Variants in FAP observed in about 807,000 individuals in gnomAD.
FAP encodes prolyl endopeptidase FAP.
A neutral mutation model predicts 126.5 loss-of-function variants in FAP; 110 were observed. The observed-to-expected ratio is 0.87, with a 90% CI of 0.74 to 1.02. The LOEUF (loss-of-function observed/expected upper bound fraction) is 1.02, where lower values mean the gene tolerates loss of function less well. FAP is among the 50% of genes least tolerant of loss of function. The pLI is 0.00. For missense variants in FAP, 919 were observed against 909.2 expected, an observed-to-expected ratio of 1.01 and a Z score of -0.14; for synonymous variants, 334 against 297.3, an observed-to-expected ratio of 1.12 and a Z score of -1.27.
intron 25 of FAP, chr2:162,172,605 G>A (rs1220180532): frequency 7.8e-6 from 4 of 515,900 alleles, no homozygotes; most frequent in Non-Finnish European, 1.4e-5. Flanking sequence ...TGACTCAACT[G>A]GGAACACGAG....
chr2:162,224,664 G>T (rs191943907), intron 4 of FAP, 124 bp from the exon 5 acceptor site: 122 of 512,924 alleles, frequency 2.4e-4, no homozygotes, highest in Non-Finnish European at 3.6e-4. Flanking sequence ...CAATGCAATT[G>T]AAAAAAATAT....
intron 17 of FAP, among the ~76,000 whole-genome samples, chr2:162,193,258 C>T (rs1197355161): frequency 1.3e-5 from 2 of 152,142 alleles, no homozygotes; most frequent in African/African-American, 4.8e-5. Flanking sequence ...ACATTAAAAT[C>T]TTTGGGGAAG....
At position 162,243,370 on chromosome 2, in the gene FAP, G is replaced by A; in HGVS notation, c.-43C>T. The A allele has an allele frequency of 6.2e-7, 1 of 1,606,006 alleles. No homozygotes were observed. The highest frequency in any genetic ancestry group is 8.5e-7 in the Non-Finnish European group (1 of 1,176,768). ...AAAGTTAGCTAATTCTGTCTTCAGA[G>A]CGTGGGTCACTGGATCTGTGAAAAC... is the stretch of plus-strand genomic sequence containing the variant. On this transcript the variant is annotated 5_prime_UTR_variant, in exon 1 of 26. Coordinates refer to ENST00000188790, the MANE Select transcript of FAP (RefSeq NM_004460.5).
chr2:162,171,143 T>A, intron 25 of FAP, 63 bp from the exon 26 acceptor site: 3 of 1,283,316 alleles, frequency 2.3e-6, no homozygotes, highest in South Asian at 1.2e-5. Context: ...TAGCTTGGAC[T>A]TTTTTGTGCT....
rs763543600 is a variant in FAP, at chr2:162,198,876, C to A, written c.1283G>T (p.Ser428Ile). 29 of 1,613,290 alleles carry A rather than the reference C, an allele frequency of 1.8e-5. No homozygotes were observed. The highest frequency in any genetic ancestry group is 2.2e-5 in the Non-Finnish European group (26 of 1,179,446). Reference protein sequence around the residue: ...YPGRRNIYRISIGSYPPSKKC... With the variant: ...YPGRRNIYRIIIGSYPPSKKC... ...CTTGCTTGGAGGATAGCTTCCAATG[C>A]TAATTCTAGAGGGAAATGAAAATAA... The change falls in exon 16 of 26, where the codon AGC (serine) becomes ATC (isoleucine). Residue 428 changes from serine (S) to isoleucine (I), a missense_variant. Transcript: ENST00000188790.
intron 20 of FAP, among the ~76,000 whole-genome samples, chr2:162,184,683 G>A (rs2106222937): frequency 6.6e-6 from 1 of 152,218 alleles, no homozygotes; most frequent in East Asian, 1.9e-4. Flanking sequence ...TGGTATAGAG[G>A]AGAAAATGTG....
Position 162,226,453 on chromosome 2 carries a change from G to A in FAP, c.190+70C>T. 3 of 704,598 alleles carry A rather than the reference G, an allele frequency of 4.3e-6. 1 individual carries two copies. Among genetic ancestry groups the A allele is most frequent in the South Asian group, 3.8e-5 (2 of 52,264 alleles). The allele number at this position is 704,598 out of a possible 1,614,324, so 43.6% of individuals were successfully genotyped here. A position where few individuals can be genotyped will look rare whatever the true frequency, so the allele number is the denominator to read the frequency against. ...ATACGGCTTCAGTTACTATAGAGAT[G>A]TATTGGCACTAAAATAAAAACCAAA... On this transcript the variant is annotated intron_variant, in intron 3 of 25. Transcript: ENST00000188790.
At chr2:162,198,969 A>C in intron 15 of FAP, 88 bp from the exon 16 acceptor site, 1 of 1,132,478 alleles carries the variant, frequency 8.8e-7, no homozygotes, top group East Asian at 2.5e-5. Context: ...ACTAATTTAC[A>C]TATTGACATC....
intron 6 of FAP, among the ~76,000 whole-genome samples, chr2:162,221,212 G>A (rs770450141): frequency 6.6e-6 from 1 of 152,078 alleles, no homozygotes; most frequent in South Asian, 2.1e-4. Context: ...GGGTGATCGG[G>A]AACATGTTGA....
intron 25 of FAP, 42 bp from the exon 26 acceptor site, chr2:162,171,122 T>A: frequency 6.6e-7 from 1 of 1,511,324 alleles, no homozygotes; most frequent in Non-Finnish European, 9.2e-7. Context: ...CCTGCAGTCA[T>A]CAAATGCATT....
In FAP at chr2:162,173,756, G is replaced by A; in HGVS notation, c.2001C>T (p.Leu667=). ...GCTCAAGATTATCATCCTTTGTTGG[G>A]AGACCCATGAATCTCTCTGTGTAGA... is the stretch of plus-strand genomic sequence containing the variant. ...ASVYTERFMG[L]PTKDDNLEHY... Residue 667 remains leucine, a synonymous_variant, in exon 23 of 26, where the codon CTC becomes CTT. Coordinates refer to ENST00000188790, the MANE Select transcript of FAP (RefSeq NM_004460.5). 1.2e-6 allele frequency: 2 copies of A among 1,605,758 alleles called. No individual in the cohort carries two copies. Among genetic ancestry groups the A allele is most frequent in the Non-Finnish European group, 1.7e-6 (2 of 1,172,720 alleles).
intron 10 of FAP, 125 bp downstream of exon 10, chr2:162,215,773 A>G (rs1264697462): frequency 1.7e-5 from 11 of 639,814 alleles, no homozygotes; most frequent in Admixed American, 3.2e-5. Flanking sequence ...TGTCAATTTT[A>G]ATTTTGTATG....
chr2:162,206,523 T>G (rs1479421387), intron 12 of FAP, among the ~76,000 whole-genome samples: 3 of 151,830 alleles, frequency 2.0e-5, no homozygotes, highest in Non-Finnish European at 4.4e-5. Context: ...GAAAATTCAT[T>G]TTTTTTTGAA....
At chr2:162,192,726 A>G (rs1688097308) in intron 17 of FAP, among the ~76,000 whole-genome samples, 1 of 152,116 alleles carries the variant, frequency 6.6e-6, no homozygotes, top group South Asian at 2.1e-4. Flanking sequence ...CTCAACATTT[A>G]AAACAAAATT....
rs541054594 is a variant in FAP at position 162,190,464 on chromosome 2, C to T, written c.1451-710G>A. Among the ~76,000 whole-genome samples, 4 of 151,956 alleles carry T rather than the reference C, an allele frequency of 2.6e-5. No homozygotes were observed. The South Asian group carries it at 6.2e-4, about 24-fold the overall frequency. ...TCTTAAATCTTTAAAAAATCTAAAA[C>T]CTGCTATTTATACTTGAGCTCAGTT... is the stretch of plus-strand genomic sequence containing the variant. On this transcript the variant is annotated intron_variant, in intron 17 of 25. Coordinates refer to ENST00000188790, the MANE Select transcript of FAP (RefSeq NM_004460.5).
intron 2 of FAP, among the ~76,000 whole-genome samples, chr2:162,241,369 T>C (rs914364075): frequency 6.6e-6 from 1 of 152,190 alleles, no homozygotes; most frequent in African/African-American, 2.4e-5. Flanking sequence ...GGATTGAGAT[T>C]ATATGTGATC....
rs140667642 is a variant in FAP at position 162,185,228 on chromosome 2, C to G, written c.1815-1760G>C. Among the ~76,000 whole-genome samples the G allele has an allele frequency of 9.2e-5, 14 of 152,254 alleles. No homozygotes were observed. The East Asian group carries it at 2.1e-3, about 23-fold the overall frequency. ...CTGGATTGAACTTTATAACTTTTCT[C>G]TCATAAAGTTGGCCCAAGGCCAAGG... On this transcript the variant is annotated intron_variant, in intron 20 of 25. Coordinates refer to ENST00000188790, the MANE Select transcript of FAP (RefSeq NM_004460.5).
At chr2:162,231,843 C>T (rs1396959063) in intron 2 of FAP, among the ~76,000 whole-genome samples, 1 of 152,114 alleles carries the variant, frequency 6.6e-6, no homozygotes, top group Non-Finnish European at 1.5e-5. Context: ...CAGCATAAAC[C>T]AAATGAGAAA....
intron 2 of FAP, among the ~76,000 whole-genome samples, chr2:162,241,713 G>T (rs968865600): frequency 2.0e-5 from 3 of 152,164 alleles, no homozygotes; most frequent in Non-Finnish European, 4.4e-5. Context: ...GTTCAGAGAT[G>T]AGTCTGAAAA....
Sources: gnomAD v4.1 joint callset for allele counts (sites outside exome capture counted in the v4.1 genomes callset) on GRCh38, gnomAD v4.1.1 for gene constraint, MANE v1.5 for transcripts, NCBI Gene and HGNC (gene_info 2026-07-23, HGNC 2026-07-21) for gene names.